Variants in PRDM9 observed in about 807,000 individuals in gnomAD.
The protein encoded by PRDM9 is PR/SET domain 9.
PRDM9 carries 47 observed loss-of-function variants against 55.6 expected under a neutral mutation model. The observed-to-expected ratio is 0.85, with a 90% confidence interval of 0.67 to 1.08. The LOEUF is 1.08. Ranked by LOEUF, PRDM9 falls within the 50% of genes least tolerant of loss-of-function variation. The pLI, the probability that PRDM9 is intolerant of heterozygous loss-of-function variation, is 0.00. For synonymous variants in PRDM9, 312 were observed against 375.7 expected (o/e 0.83, Z 1.96); for missense variants, 867 against 1,040.3 (o/e 0.83, Z 2.29).
upstream of PRDM9, chr5:23,507,592 A>G (rs556137078): frequency 1.3e-5 from 2 of 152,412 alleles, no homozygotes; most frequent in East Asian, 3.9e-4. Flanking sequence ...TTCGCCCTCC[A>G]CCACATCTCA....
At chr5:23,511,896 T>C (rs1225284580) in intron 4 of PRDM9, among the ~76,000 whole-genome samples, 2 of 152,100 alleles carry the variant, frequency 1.3e-5, no homozygotes, top group Non-Finnish European at 2.9e-5. Flanking sequence ...AATGTTGACA[T>C]TGGACTGAAT....
rs752095846 is a variant in PRDM9 at position 23,509,039 on chromosome 5, C to T, written c.6C>T (p.Ser2=). 5.6e-6 allele frequency: 9 copies of T among 1,614,056 alleles called. No individual in the cohort carries two copies. In the South Asian group the frequency reaches 8.8e-5, roughly 16 times the overall value. The change falls in exon 2 of 11, where the codon AGC becomes AGT. Residue 2 remains serine, a synonymous_variant. Coordinates refer to ENST00000296682, the MANE Select transcript of PRDM9 (RefSeq NM_020227.4). ...TTCTAGACAGTCCCAGCACCATGAG[C>T]CCTGAAAAGTCCCAAGAGGAGAGCC... M[S]PEKSQEESPE...
At chr5:23,523,261 A>G (rs780243435) in intron 8 of PRDM9, 30 bp from the exon 9 acceptor site, 2 of 1,600,624 alleles carry the variant, frequency 1.2e-6, no homozygotes. Flanking sequence ...ACCCTCTAAA[A>G]AGCCTTTGCC....
At chr5:23,509,820 G>T in intron 3 of PRDM9, 100 bp from the exon 4 acceptor site, 1 of 1,388,110 alleles carries the variant, frequency 7.2e-7, no homozygotes, top group Non-Finnish European at 1.0e-6. Context: ...CAGCTCATCA[G>T]ACTGAGCAGC....
At chr5:23,517,848 CA>C in intron 4 of PRDM9, 32 bp from the exon 5 acceptor site, 1 of 1,541,750 alleles carries the variant, frequency 6.5e-7, no homozygotes, top group Non-Finnish European at 9.0e-7. Context: ...AAACATTTAC[CA>C]ACCAAACCAC....
chr5:23,507,494 C>A (rs944875955), upstream of PRDM9: 3 of 152,342 alleles, frequency 2.0e-5, no homozygotes, highest in African/African-American at 7.2e-5. Context: ...CCGCCCTACT[C>A]CCCGCCCATT....
At chr5:23,521,297 C>T (rs1304515293) in intron 6 of PRDM9, 118 bp downstream of exon 6, 19 of 1,120,096 alleles carry the variant, frequency 1.7e-5, no homozygotes, top group East Asian at 2.4e-5. Flanking sequence ...CTGGACTCAA[C>T]TGTGAGACCA....
intron 8 of PRDM9, 99 bp downstream of exon 8, chr5:23,522,984 TA>T (rs1314174319): frequency 4.4e-6 from 7 of 1,589,434 alleles, no homozygotes; most frequent in Non-Finnish European, 5.2e-6. Context: ...TAGGTAAGGA[TA>T]ACATGGTTAG....
Position 23,523,160 on chromosome 5 carries a change from G to T in PRDM9, c.883-131G>T, listed in dbSNP as rs545254937. ...GATGTGTAGATAGATGATGACTAAG[G>T]TGCATACCATGTGGTCTCAATTGGC... On this transcript the variant is annotated intron_variant, in intron 8 of 10. Transcript: ENST00000296682. 16 of 1,159,590 alleles carry T rather than the reference G, an allele frequency of 1.4e-5. No individual in the cohort carries two copies. In the Admixed American group the frequency reaches 2.3e-4, roughly 16 times the overall value. 71.8% of individuals were successfully genotyped at this position (1,159,590 alleles called of 1,614,324 possible).
At chr5:23,514,734 C>G (rs1049638552) in intron 4 of PRDM9, among the ~76,000 whole-genome samples, 1 of 152,024 alleles carries the variant, frequency 6.6e-6, no homozygotes, top group African/African-American at 2.4e-5. Flanking sequence ...TGAGCCACTG[C>G]GCCAGGCCAA....
At position 23,521,181 on chromosome 5, in the gene PRDM9, T is replaced by C; in HGVS notation, c.508+2T>C. The C allele has an allele frequency of 6.2e-7, 1 of 1,612,690 alleles. No individual in the cohort carries two copies. Among genetic ancestry groups the C allele is most frequent in the Non-Finnish European group, 8.5e-7 (1 of 1,179,968 alleles). On this transcript the variant is annotated splice_donor_variant, in intron 6 of 10. Coordinates refer to ENST00000296682, the MANE Select transcript of PRDM9 (RefSeq NM_020227.4). LOFTEE classifies it high-confidence loss of function. ...GACAGCACTCAAGACTAAAACTGGGTAAGAAAAAATATTTGCGGGGACTTT... is the reference window on the plus strand; with the variant it reads ...GACAGCACTCAAGACTAAAACTGGGCAAGAAAAAATATTTGCGGGGACTTT...
intron 2 of PRDM9, 119 bp from the exon 3 acceptor site, chr5:23,509,351 C>T: frequency 5.8e-6 from 9 of 1,547,432 alleles, no homozygotes; most frequent in South Asian, 1.1e-5. Flanking sequence ...GAGGGAAGAT[C>T]TTTATGTTTC....
chr5:23,514,367 T>C (rs1739159128), intron 4 of PRDM9, among the ~76,000 whole-genome samples: 1 of 152,222 alleles, frequency 6.6e-6, no homozygotes, highest in Non-Finnish European at 1.5e-5. Context: ...CATCTCACTG[T>C]GTATTTACGT....
intron 1 of PRDM9, 26 bp from the exon 2 acceptor site, chr5:23,508,924 C>G: frequency 1.5e-6 from 2 of 1,328,794 alleles, no homozygotes; most frequent in Non-Finnish European, 2.1e-6. Context: ...GCTGTTGCCC[C>G]CTCTCAGCAC....
rs1399784586 is a variant in PRDM9 at position 23,526,200 on chromosome 5, A to G, written c.1145-33A>G. The stretch of plus-strand genomic sequence containing the variant: ...TCATATGTGGTAAGGCCTGAACAAA[A>G]CATCTACCCTGACCAAAAACTTCCT... On this transcript the variant is annotated intron_variant, in intron 10 of 10. Transcript: ENST00000296682. The G allele has an allele frequency of 4.4e-6, 7 of 1,592,714 alleles. No individual in the cohort carries two copies. The African/African-American group carries it at 6.7e-5, about 15-fold the overall frequency.
chr5:23,522,367 A>G lies in PRDM9; in HGVS notation c.572A>G (p.Tyr191Cys). 1 of 1,614,204 alleles carries G rather than the reference A, an allele frequency of 6.2e-7. No homozygotes were observed. Among genetic ancestry groups the G allele is most frequent in the Non-Finnish European group, 8.5e-7 (1 of 1,180,014 alleles). Residue 191 changes from tyrosine to cysteine, a missense_variant, in exon 7 of 11, where the codon TAC (tyrosine) becomes TGC (cysteine). By Grantham distance (194) the Tyr-to-Cys change is radical (BLOSUM62 -2). Coordinates refer to ENST00000296682, the MANE Select transcript of PRDM9 (RefSeq NM_020227.4). ...YSLRERKGHA[Y>C]KEVSEPQDDD... ...CTGCGAGAAAGAAAGGGTCATGCATACAAAGAGGTCAGCGAGCCGCAGGAT... is the reference window on the plus strand; with the variant it reads ...CTGCGAGAAAGAAAGGGTCATGCATGCAAAGAGGTCAGCGAGCCGCAGGAT...
At chr5:23,514,300 A>T (rs1386326316) in intron 4 of PRDM9, among the ~76,000 whole-genome samples, 1 of 152,180 alleles carries the variant, frequency 6.6e-6, no homozygotes, top group Non-Finnish European at 1.5e-5. Flanking sequence ...AAAAAATCAG[A>T]GTGCCAGCAT....
intron 4 of PRDM9, among the ~76,000 whole-genome samples, chr5:23,517,595 C>T (rs575537931): frequency 2.0e-4 from 30 of 151,996 alleles, no homozygotes; most frequent in Admixed American, 9.2e-4. Flanking sequence ...AGACCAGCAT[C>T]GCCAACATGG....
rs766479772 is a variant in PRDM9 at position 23,509,928 on chromosome 5, G to A, written c.202G>A (p.Ala68Thr). Reference sequence around the variant, plus strand: ...TTTTTGCTTCTTTTCAGGTCTCAGAGCCACTCGACCAGCTTTCATGTGTCA... The same window carrying A: ...TTTTTGCTTCTTTTCAGGTCTCAGAACCACTCGACCAGCTTTCATGTGTCA... ...YNALITIGLR[A>T]TRPAFMCHRR... Residue 68 changes from alanine to threonine, a missense_variant, in exon 4 of 11, where the codon GCC becomes ACC. Transcript: ENST00000296682. 1.9e-6 allele frequency: 3 copies of A among 1,613,964 alleles called. No individual in the cohort carries two copies. The highest frequency in any genetic ancestry group is 2.2e-5 in the East Asian group (1 of 44,864).
Sources: gnomAD v4.1 joint callset for allele counts (sites outside exome capture counted in the v4.1 genomes callset) on GRCh38, gnomAD v4.1.1 for gene constraint, MANE v1.5 for transcripts, NCBI Gene and HGNC (gene_info 2026-07-23, HGNC 2026-07-21) for gene names.